The following ABCC9 variants were observed in gnomAD, a reference collection of about 807,000 sequenced individuals.
ABCC9 encodes the protein ATP-binding cassette sub-family C member 9.
Under a neutral mutation model 188.3 loss-of-function variants are expected in ABCC9, and 95 were observed. The observed-to-expected ratio is 0.50, with a 90% CI of 0.43 to 0.60. ABCC9 has a LOEUF of 0.60. Ranked by LOEUF, ABCC9 falls within the 20% of genes least tolerant of loss-of-function variation. The pLI is 0.00. For synonymous variants in ABCC9, 659 were observed against 652.7 expected, an observed-to-expected ratio of 1.01 and a Z score of -0.15; for missense variants, 1,102 against 1,876.3, an observed-to-expected ratio of 0.59 and a Z score of 7.62.
chr12:21,894,080 A>G lies in ABCC9; in HGVS notation c.1754T>C (p.Leu585Pro). The change falls in exon 14 of 40, where the codon CTG becomes CCG. Residue 585 changes from leucine (L) to proline (P), a missense_variant. Around this residue, in one of 12 missense-constraint regions of ABCC9, gnomAD observed 258 missense variants for 325.6 expected, o/e 0.79. Coordinates refer to ENST00000261200, the MANE Select transcript of ABCC9 (RefSeq NM_020297.4). Reference sequence around the variant, plus strand: ...TCTGACCACCGTGGAGAGCAGGAACAGTGGTGTGACCAGGATATGGAAGAG... The same window carrying G: ...TCTGACCACCGTGGAGAGCAGGAACGGTGGTGTGACCAGGATATGGAAGAG... ...LSLFHILVTP[L>P]FLLSTVVRFA... The G allele has an allele frequency of 6.2e-7, 1 of 1,614,102 alleles. No homozygotes were observed.
chr12:21,930,894 A>C (rs2138040036), intron 4 of ABCC9, among the ~76,000 whole-genome samples: 1 of 152,276 alleles, frequency 6.6e-6, no homozygotes, highest in South Asian at 2.1e-4. Context: ...AAGATTGGGC[A>C]TATGTGGGGG....
rs1425280558 is a variant in ABCC9, at chr12:21,926,070, A to G, written c.285-7T>C. On this transcript the variant is annotated splice_polypyrimidine_tract_variant and splice_region_variant and intron_variant, in intron 4 of 39. Transcript: ENST00000261200. ...GTGCCTTGATTCCCGCCGCCTAGAA[A>G]GAGCAGTACGTCAACGCCTAAAGCT... The G allele has an allele frequency of 3.7e-6, 6 of 1,614,066 alleles. No homozygotes were observed. In the East Asian group the frequency reaches 1.3e-4, roughly 36 times the overall value.
intron 12 of ABCC9, among the ~76,000 whole-genome samples, chr12:21,899,325 C>T (rs192221606): frequency 4.1e-4 from 62 of 152,180 alleles, no homozygotes; most frequent in African/African-American, 1.4e-3. Flanking sequence ...GCTATGATTT[C>T]GAGGGGGTTG....
chr12:21,865,561 A>G (rs1175287586), intron 18 of ABCC9, among the ~76,000 whole-genome samples: 1 of 152,172 alleles, frequency 6.6e-6, no homozygotes, highest in Non-Finnish European at 1.5e-5. Flanking sequence ...ACTAGTTTTA[A>G]CTAATTTGAG....
At chr12:21,923,076 C>A in intron 5 of ABCC9, 1 of 96,630 alleles carries the variant, frequency 1.0e-5, no homozygotes. Flanking sequence ...ACATTGATAT[C>A]CACTTGGAAA....
At chr12:21,858,383 G>C (rs562814544) in intron 22 of ABCC9, among the ~76,000 whole-genome samples, 1 of 151,686 alleles carries the variant, frequency 6.6e-6, no homozygotes, top group Non-Finnish European at 1.5e-5. Context: ...AGACCAGCCT[G>C]ACCAATATGG....
At chr12:21,823,818 G>A (rs1306276551) in intron 31 of ABCC9, among the ~76,000 whole-genome samples, 3 of 152,208 alleles carry the variant, frequency 2.0e-5, no homozygotes, top group Non-Finnish European at 4.4e-5. Flanking sequence ...ACTCAACCGC[G>A]GCCGGCTTCA....
At chr12:21,878,584 C>T (rs1388793558) in intron 16 of ABCC9, among the ~76,000 whole-genome samples, 2 of 152,008 alleles carry the variant, frequency 1.3e-5, no homozygotes, top group African/African-American at 2.4e-5. Flanking sequence ...AAAGACAGAA[C>T]GGTGGACTAG....
intron 16 of ABCC9, among the ~76,000 whole-genome samples, chr12:21,878,918 C>G (rs1209185963): frequency 6.6e-6 from 1 of 152,114 alleles, no homozygotes; most frequent in Non-Finnish European, 1.5e-5. Flanking sequence ...GGGTTAAAAT[C>G]CTGACTTCCC....
At position 21,807,482 on chromosome 12, in the gene ABCC9, A is replaced by G. The variant is rs554735392; in HGVS notation, c.4316-3T>C. 1 of 1,613,778 alleles carries G rather than the reference A, an allele frequency of 6.2e-7. No homozygotes were observed. The highest frequency in any genetic ancestry group is 2.2e-5 in the East Asian group (1 of 44,864). The stretch of plus-strand genomic sequence containing the variant: ...CCCACCTTCAGTGACAACCGCATCT[A>G]AATCAGAGAAAGAAGCAAGGATTTC... On this transcript the variant is annotated splice_polypyrimidine_tract_variant and splice_region_variant and intron_variant, in intron 37 of 39. Transcript: ENST00000261200.
At position 21,800,370 on chromosome 12, in the gene ABCC9, T is replaced by A. The variant is rs1191104907; in HGVS notation, c.*674A>T. On this transcript the variant is annotated 3_prime_UTR_variant, in exon 40 of 40. Transcript: ENST00000261200. ...ATTATGCCTGATATCTTAAGAATTCTCTCTTTACAGGACAGGAAAAAATGA... is the reference window on the plus strand; with the variant it reads ...ATTATGCCTGATATCTTAAGAATTCACTCTTTACAGGACAGGAAAAAATGA... The A allele has an allele frequency of 6.6e-6, 1 of 152,246 alleles. No homozygotes were observed. Among genetic ancestry groups the A allele is most frequent in the East Asian group, 1.9e-4 (1 of 5,204 alleles). 9.4% of individuals were successfully genotyped at this position (152,246 alleles called of 1,614,324 possible).
intron 37 of ABCC9, among the ~76,000 whole-genome samples, chr12:21,808,052 T>G (rs1323148360): frequency 6.6e-6 from 1 of 152,128 alleles, no homozygotes; most frequent in Non-Finnish European, 1.5e-5. Flanking sequence ...CCTTTTCTTT[T>G]TTTTTGGTTT....
At chr12:21,904,060 G>A (rs1309819556) in intron 12 of ABCC9, among the ~76,000 whole-genome samples, 9 of 152,144 alleles carry the variant, frequency 5.9e-5, no homozygotes, top group Non-Finnish European at 1.0e-4. Flanking sequence ...AAAACAGCAT[G>A]GTACTGGTAC....
intron 12 of ABCC9, among the ~76,000 whole-genome samples, chr12:21,896,548 A>G (rs974285023): frequency 5.3e-5 from 8 of 152,148 alleles, no homozygotes; most frequent in Non-Finnish European, 8.8e-5. Flanking sequence ...GCCCAGATGC[A>G]TTAGCTACTT....
intron 12 of ABCC9, among the ~76,000 whole-genome samples, 180 bp downstream of exon 12, chr12:21,905,946 A>T (rs1487634540): frequency 1.3e-5 from 2 of 152,118 alleles, no homozygotes; most frequent in Non-Finnish European, 1.5e-5. Flanking sequence ...TTGGTCTTTA[A>T]TTTAAATGTA....
intron 31 of ABCC9, among the ~76,000 whole-genome samples, chr12:21,826,708 A>AGTTACT (rs1388152686): frequency 1.3e-5 from 2 of 152,176 alleles, no homozygotes; most frequent in Non-Finnish European, 2.9e-5. Flanking sequence ...ATCCATATAA[A>AGTTACT]GTTACTGACA....
Position 21,800,097 on chromosome 12 carries a change from A to G in ABCC9, c.*947T>C, listed in dbSNP as rs1941360007. On this transcript the variant is annotated 3_prime_UTR_variant, in exon 40 of 40. Transcript: ENST00000261200. Reference sequence around the variant, plus strand: ...TTATATATATATAACTTCAAAGTGTAAGATATCTCCAGCCTGCCAGTGGAC... The same window carrying G: ...TTATATATATATAACTTCAAAGTGTGAGATATCTCCAGCCTGCCAGTGGAC... The G allele has an allele frequency of 6.6e-6, 1 of 152,226 alleles. No individual in the cohort carries two copies. The highest frequency in any genetic ancestry group is 1.5e-5 in the Non-Finnish European group (1 of 68,030). The allele number at this position is 152,226 out of a possible 1,614,324, so 9.4% of individuals were successfully genotyped here.
At chr12:21,878,588 G>A (rs999852597) in intron 16 of ABCC9, among the ~76,000 whole-genome samples, 1 of 152,076 alleles carries the variant, frequency 6.6e-6, no homozygotes, top group African/African-American at 2.4e-5. Flanking sequence ...ACAGAACGGT[G>A]GACTAGGAAA....
chr12:21,827,396 C>A, intron 31 of ABCC9: 2 of 808,708 alleles, frequency 2.5e-6, no homozygotes, highest in Non-Finnish European at 1.5e-6. Flanking sequence ...CATACTTGAT[C>A]TTCAAGTTCA....
Sources: allele counts gnomAD v4.1 joint callset (sites outside exome capture counted in the v4.1 genomes callset), GRCh38; gene constraint gnomAD v4.1.1; regional missense constraint gnomAD v4.1.1; transcripts MANE v1.5; gene names NCBI Gene and HGNC (gene_info 2026-07-23, HGNC 2026-07-21).